Variants in LINGO2 observed in about 807,000 individuals in gnomAD.
LINGO2 encodes leucine rich repeat and Ig domain containing 2.
In LINGO2, 14 loss-of-function variants were observed where a neutral mutation model predicts 30.6. The ratio of observed to expected loss-of-function variants is 0.46; its 90% confidence interval spans 0.30 to 0.72. The LOEUF is 0.72. Ranked by LOEUF, LINGO2 falls within the 30% of genes least tolerant of loss-of-function variation. The probability of loss-of-function intolerance (pLI) is 0.07; values close to 1 mark genes in which losing one functional copy is unlikely to be tolerated. For missense variants in LINGO2, 729 were observed against 751.7 expected, an observed-to-expected ratio of 0.97 and a Z score of 0.35; for synonymous variants, 317 against 288.5, an observed-to-expected ratio of 1.10 and a Z score of -1.00.
At position 28,615,223 on chromosome 9, in the gene LINGO2, C is replaced by T. The variant is rs189051925; in HGVS notation, c.-365+54977G>A. Among the ~76,000 whole-genome samples the T allele has an allele frequency of 2.6e-5, 4 of 152,102 alleles. 1 individual carries two copies. Among genetic ancestry groups the T allele is most frequent in the Non-Finnish European group, 5.9e-5 (4 of 67,994 alleles). On this transcript the variant is annotated intron_variant, in intron 1 of 5. Transcript: ENST00000379992. ...AATATCTTGGTCATTGATTTGTCCA[C>T]TTCTTAGAGGGCCCATGGATAATTC...
chr9:28,534,955 T>G (rs1339445302), intron 1 of LINGO2, among the ~76,000 whole-genome samples: 3 of 152,088 alleles, frequency 2.0e-5, no homozygotes, highest in Non-Finnish European at 4.4e-5. Flanking sequence ...TGTGTATGTA[T>G]ATACATACAC....
chr9:28,753,831 G>A, the LINGO2 span, among the ~76,000 whole-genome samples: 31 of 151,976 alleles, frequency 2.0e-4, no homozygotes, highest in African/African-American at 7.3e-4. Context: ...CTCCATGGAG[G>A]TGTCATCTGG....
chr9:28,402,156 C>T (rs1263897335), intron 2 of LINGO2, among the ~76,000 whole-genome samples: 1 of 152,142 alleles, frequency 6.6e-6, no homozygotes, highest in Non-Finnish European at 1.5e-5. Context: ...AGCCTGGGAT[C>T]TCCTCCCTTA....
intron 3 of LINGO2, among the ~76,000 whole-genome samples, chr9:28,312,560 G>A (rs1824671528): frequency 6.6e-6 from 1 of 152,076 alleles, no homozygotes; most frequent in Non-Finnish European, 1.5e-5. Context: ...AGAGTACTGT[G>A]TAGTATCATA....
intron 4 of LINGO2, among the ~76,000 whole-genome samples, chr9:28,153,165 C>T (rs1356320106): frequency 1.3e-5 from 2 of 152,072 alleles, no homozygotes; most frequent in Non-Finnish European, 2.9e-5. Context: ...TCCCAAAAGG[C>T]AATTTGGCAT....
chr9:29,148,564 T>C, the LINGO2 span, among the ~76,000 whole-genome samples: 1 of 152,300 alleles, frequency 6.6e-6, no homozygotes, highest in African/African-American at 2.4e-5. Flanking sequence ...TCTTTAGCAA[T>C]CATTTTACAG....
the LINGO2 span, among the ~76,000 whole-genome samples, chr9:29,211,818 G>T: frequency 5.3e-5 from 8 of 152,058 alleles, no homozygotes; most frequent in Non-Finnish European, 1.5e-5. Flanking sequence ...AGCTCACCTC[G>T]GAGCAGCCTG....
chr9:29,037,468 G>A, the LINGO2 span, among the ~76,000 whole-genome samples: 3 of 151,812 alleles, frequency 2.0e-5, no homozygotes, highest in Non-Finnish European at 4.4e-5. Flanking sequence ...TAGTTTTCTA[G>A]AACAAATAAT....
At chr9:28,886,096 T>C in the LINGO2 span, among the ~76,000 whole-genome samples, 1 of 152,194 alleles carries the variant, frequency 6.6e-6, no homozygotes, top group Non-Finnish European at 1.5e-5. Flanking sequence ...TAACCTAGAA[T>C]TGCTTTAAAT....
At chr9:29,173,761 G>T in the LINGO2 span, among the ~76,000 whole-genome samples, 3 of 151,920 alleles carry the variant, frequency 2.0e-5, no homozygotes, top group Non-Finnish European at 4.4e-5. Context: ...AGATAAACCA[G>T]AAAGGGCCTA....
chr9:28,647,897 T>TTC (rs1563891022), intron 1 of LINGO2, among the ~76,000 whole-genome samples: 2 of 144,646 alleles, frequency 1.4e-5, no homozygotes, highest in African/African-American at 2.7e-5. Flanking sequence ...TTCTTTCTTT[T>TTC]TTTTTTTTTT....
chr9:29,080,659 G>A, the LINGO2 span, among the ~76,000 whole-genome samples: 7 of 152,004 alleles, frequency 4.6e-5, no homozygotes, highest in South Asian at 1.5e-3. Flanking sequence ...GGTCTCATTG[G>A]TTTCAAAGAA....
At chr9:28,339,904 C>G (rs189034071) in intron 3 of LINGO2, among the ~76,000 whole-genome samples, 98 of 152,236 alleles carry the variant, frequency 6.4e-4, no homozygotes, top group Admixed American at 3.9e-3. Context: ...TCCTCTGAGC[C>G]TGTAGCCTGT....
intron 1 of LINGO2, among the ~76,000 whole-genome samples, chr9:28,519,331 G>C (rs903685832): frequency 6.6e-6 from 1 of 152,000 alleles, no homozygotes; most frequent in Non-Finnish European, 1.5e-5. Flanking sequence ...TACTGCACTT[G>C]GTCACACAAG....
At chr9:28,345,901 A>G (rs2134412390) in intron 3 of LINGO2, among the ~76,000 whole-genome samples, 1 of 152,308 alleles carries the variant, frequency 6.6e-6, no homozygotes, top group Non-Finnish European at 1.5e-5. Context: ...ACACCCACAT[A>G]ATGTATCATG....
chr9:28,893,765 T>A, the LINGO2 span, among the ~76,000 whole-genome samples: 1 of 152,052 alleles, frequency 6.6e-6, no homozygotes. Context: ...TTAATTATTA[T>A]TATACTTTAA....
At chr9:28,773,281 C>T in the LINGO2 span, among the ~76,000 whole-genome samples, 1 of 149,770 alleles carries the variant, frequency 6.7e-6, no homozygotes, top group South Asian at 2.1e-4. Flanking sequence ...AGGAGAATGG[C>T]GTGAACCCAG....
At chr9:28,217,835 A>G (rs910995764) in intron 4 of LINGO2, among the ~76,000 whole-genome samples, 1 of 152,044 alleles carries the variant, frequency 6.6e-6, no homozygotes, top group Non-Finnish European at 1.5e-5. Flanking sequence ...CGCAAACATA[A>G]TATGACCACA....
chr9:28,227,422 A>G (rs1821208008), intron 4 of LINGO2, among the ~76,000 whole-genome samples: 1 of 152,060 alleles, frequency 6.6e-6, no homozygotes, highest in Non-Finnish European at 1.5e-5. Flanking sequence ...ACCCAGCTAT[A>G]ATTTATGTCT....
Sources: allele counts gnomAD v4.1 joint callset (sites outside exome capture counted in the v4.1 genomes callset), GRCh38; gene constraint gnomAD v4.1.1; transcripts MANE v1.5; gene names NCBI Gene and HGNC (gene_info 2026-07-23, HGNC 2026-07-21).